CSMD2: variants seen among roughly 807,000 people sequenced by gnomAD.
CSMD2 encodes CUB and sushi domain-containing protein 2.
CSMD2 carries 130 observed loss-of-function variants against 398.5 expected under a neutral mutation model. That is an observed-to-expected ratio of 0.33 (90% CI 0.28 to 0.38). The LOEUF (loss-of-function observed/expected upper bound fraction) is 0.38. CSMD2 is among the 10% of genes least tolerant of loss of function. CSMD2 has a pLI of 1.00. For missense variants in CSMD2, 3,829 were observed against 4,764.9 expected, an observed-to-expected ratio of 0.80 and a Z score of 5.78; for synonymous variants, 1,828 against 1,908.5, an observed-to-expected ratio of 0.96 and a Z score of 1.10.
intron 6 of CSMD2, among the ~76,000 whole-genome samples, chr1:33,836,708 G>A (rs187459260): frequency 2.4e-4 from 37 of 152,304 alleles, no homozygotes; most frequent in African/African-American, 7.2e-4. Context: ...TAAGACTGTC[G>A]GAAAAGCACA....
intron 67 of CSMD2, among the ~76,000 whole-genome samples, chr1:33,522,344 C>T (rs1654389252): frequency 1.3e-5 from 2 of 152,230 alleles, no homozygotes; most frequent in Non-Finnish European, 1.5e-5. Context: ...TCCCCATCCT[C>T]ATCTTCCCCT....
chr1:33,730,561 G>T (rs1646685864), intron 15 of CSMD2, among the ~76,000 whole-genome samples: 1 of 150,148 alleles, frequency 6.7e-6, no homozygotes, highest in Non-Finnish European at 1.5e-5. Flanking sequence ...ACTAGTAAAA[G>T]AGATTTTAAA....
At chr1:33,786,500 G>A (rs1274736077) in intron 12 of CSMD2, among the ~76,000 whole-genome samples, 1 of 152,168 alleles carries the variant, frequency 6.6e-6, no homozygotes, top group East Asian at 1.9e-4. Context: ...TTATGCACCG[G>A]AACAGCCCGC....
intron 1 of CSMD2, among the ~76,000 whole-genome samples, chr1:34,134,181 T>A (rs1188068895): frequency 6.6e-6 from 1 of 151,580 alleles, no homozygotes; most frequent in South Asian, 2.1e-4. Flanking sequence ...GGTGCCTCCA[T>A]CACATTAGAA....
At position 33,624,502 on chromosome 1, in the gene CSMD2, C is replaced by T. The variant is rs753074093; in HGVS notation, c.5625+17G>A. The T allele has an allele frequency of 1.3e-5, 21 of 1,611,360 alleles. No individual in the cohort carries two copies. Among genetic ancestry groups the T allele is most frequent in the East Asian group, 4.5e-5 (2 of 44,816 alleles). ...CAGACGGCCACCTGCCCGACCGAGG[C>T]GCCCCCTTGCCCCTACCTGGATGCC... On this transcript the variant is annotated intron_variant, in intron 35 of 70. Coordinates refer to ENST00000373381, the MANE Select transcript of CSMD2 (RefSeq NM_001281956.2). The surrounding 1 kb of genome is among the most constrained non-coding windows in gnomAD (Gnocchi z 4.7).
intron 44 of CSMD2, among the ~76,000 whole-genome samples, chr1:33,594,527 G>A (rs1053074308): frequency 1.3e-5 from 2 of 152,154 alleles, no homozygotes; most frequent in East Asian, 3.8e-4. Context: ...TATCCAGAGA[G>A]CTCCTTTATA....
chr1:33,989,691 A>G (rs1646483526), intron 3 of CSMD2, among the ~76,000 whole-genome samples: 1 of 152,230 alleles, frequency 6.6e-6, no homozygotes, highest in Non-Finnish European at 1.5e-5. Context: ...CAACACATGA[A>G]CTAATCTCAT....
At chr1:33,780,807 T>C (rs544092927) in intron 12 of CSMD2, among the ~76,000 whole-genome samples, 3 of 152,326 alleles carry the variant, frequency 2.0e-5, no homozygotes, top group East Asian at 3.9e-4. Context: ...AGAGGTATCA[T>C]GGAAACTCAG....
chr1:33,698,649 G>T, intron 24 of CSMD2, 104 bp downstream of exon 24: 1 of 1,063,606 alleles, frequency 9.4e-7, no homozygotes, highest in Non-Finnish European at 1.3e-6. Context: ...CAAGTTGATG[G>T]CCCCCAGGCC....
chr1:34,042,803 T>C (rs1418028237), intron 2 of CSMD2, among the ~76,000 whole-genome samples: 1 of 152,166 alleles, frequency 6.6e-6, no homozygotes, highest in East Asian at 1.9e-4. Context: ...GCTTCTATTT[T>C]TTGAGAAGGA....
intron 3 of CSMD2, among the ~76,000 whole-genome samples, chr1:33,972,665 A>C (rs1346370328): frequency 1.3e-5 from 2 of 152,142 alleles, no homozygotes; most frequent in Non-Finnish European, 2.9e-5. Context: ...GGAAGGAAAC[A>C]TATTCTCCCC....
chr1:33,520,753 T>C (rs1654193621), intron 68 of CSMD2, among the ~76,000 whole-genome samples: 1 of 152,176 alleles, frequency 6.6e-6, no homozygotes, highest in Non-Finnish European at 1.5e-5. Context: ...TGGACTGCCT[T>C]GGCAGGCAAG....
intron 14 of CSMD2, among the ~76,000 whole-genome samples, chr1:33,742,833 G>A (rs948875504): frequency 2.0e-5 from 3 of 152,134 alleles, no homozygotes; most frequent in Non-Finnish European, 4.4e-5. Context: ...AAAGCAAAGT[G>A]AGCAGCCCCG....
rs1324882871 is a variant in CSMD2 at position 33,635,730 on chromosome 1, C to G, written c.4970-400G>C. Among the ~76,000 whole-genome samples the G allele has an allele frequency of 6.6e-6, 1 of 152,166 alleles. No homozygotes were observed. The highest frequency in any genetic ancestry group is 1.5e-5 in the Non-Finnish European group (1 of 68,024). On this transcript the variant is annotated intron_variant, in intron 30 of 70. Transcript: ENST00000373381. The surrounding 1 kb of genome is among the most constrained non-coding windows in gnomAD (Gnocchi z 5.0). Reference sequence around the variant, plus strand: ...AGTGAGTGTCAGTGTGAATAGGGAGCTGAAGCTTCCCCGGACTAACCCCAT... The same window carrying G: ...AGTGAGTGTCAGTGTGAATAGGGAGGTGAAGCTTCCCCGGACTAACCCCAT...
chr1:34,011,705 T>C (rs1647355217), intron 3 of CSMD2, among the ~76,000 whole-genome samples: 1 of 152,220 alleles, frequency 6.6e-6, no homozygotes, highest in Non-Finnish European at 1.5e-5. Context: ...CCCTCAGGCA[T>C]GTATCCTTTG....
At chr1:34,085,459 A>G (rs1657765949) in intron 2 of CSMD2, among the ~76,000 whole-genome samples, 1 of 152,116 alleles carries the variant, frequency 6.6e-6, no homozygotes, top group Non-Finnish European at 1.5e-5. Context: ...TGCATTATAC[A>G]TAATTATTTT....
At chr1:33,641,132 C>G (rs955430932) in intron 29 of CSMD2, among the ~76,000 whole-genome samples, 2 of 152,154 alleles carry the variant, frequency 1.3e-5, no homozygotes, top group African/African-American at 2.4e-5. Flanking sequence ...TCACAGCAAC[C>G]CTTCTGATTT....
chr1:34,104,782 CTT>C (rs1660364011), intron 1 of CSMD2, among the ~76,000 whole-genome samples: 1 of 152,172 alleles, frequency 6.6e-6, no homozygotes, highest in African/African-American at 2.4e-5. Flanking sequence ...CAAACAGTAT[CTT>C]TGGCTCTCTA....
intron 65 of CSMD2, 68 bp downstream of exon 65, chr1:33,527,128 G>A (rs942911238): frequency 3.2e-5 from 45 of 1,416,620 alleles, no homozygotes; most frequent in Middle Eastern, 3.6e-4. Flanking sequence ...AGCAACACGA[G>A]TTTTCTGGCT....
Sources: allele counts gnomAD v4.1 joint callset (sites outside exome capture counted in the v4.1 genomes callset), GRCh38; gene constraint gnomAD v4.1.1; non-coding constraint Gnocchi (gnomAD v3.1); transcripts MANE v1.5; gene names NCBI Gene and HGNC (gene_info 2026-07-23, HGNC 2026-07-21).